Variants in SLC2A1 observed in about 807,000 individuals in gnomAD.
SLC2A1 encodes the protein solute carrier family 2 member 1, also known as solute carrier family 2, facilitated glucose transporter member 1.
A neutral mutation model predicts 46.6 loss-of-function variants in SLC2A1; 4 were observed. The observed-to-expected ratio is 0.09, with a 90% CI of 0.04 to 0.20. The LOEUF is 0.20. SLC2A1 is among the 10% of genes least tolerant of loss of function. The probability of loss-of-function intolerance (pLI) is 1.00; values close to 1 mark genes in which losing one functional copy is unlikely to be tolerated. For synonymous variants in SLC2A1, 253 were observed against 270.0 expected (o/e 0.94, Z 0.62); for missense variants, 352 against 667.0 (o/e 0.53, Z 5.20).
intron 2 of SLC2A1, among the ~76,000 whole-genome samples, chr1:42,931,572 T>A (rs2124451273): frequency 6.6e-6 from 1 of 152,008 alleles, no homozygotes; most frequent in South Asian, 2.1e-4. Flanking sequence ...ACGCCTGTAA[T>A]CCCAGCACTT....
In SLC2A1 at chr1:42,927,111, C is replaced by A; in HGVS notation, c.1409G>T (p.Gly470Val). The change falls in exon 10 of 10, where the codon GGG becomes GTG. Residue 470 changes from glycine to valine, a missense_variant. Gly to Val is a moderately radical substitution (Grantham distance 109, BLOSUM62 -3). Coordinates refer to ENST00000426263, the MANE Select transcript of SLC2A1 (RefSeq NM_006516.4). This position sits in a 1 kb window ranked among gnomAD's most constrained non-coding sequence, Gnocchi z 5.3. ...FDEIASGFRQ[G>V]GASQSDKTPE... is the part of the protein sequence containing the mutation. Reference sequence around the variant, plus strand: ...TGTCTTGTCACTTTGGCTGGCTCCCCCCTGCCGGAAGCCGGAAGCGATCTC... The same window carrying A: ...TGTCTTGTCACTTTGGCTGGCTCCCACCTGCCGGAAGCCGGAAGCGATCTC... 6.2e-7 allele frequency: 1 copy of A among 1,614,182 alleles called. No homozygotes were observed. The highest frequency in any genetic ancestry group is 8.5e-7 in the Non-Finnish European group (1 of 1,180,026).
At chr1:42,933,096 A>G (rs1379832693) in intron 2 of SLC2A1, among the ~76,000 whole-genome samples, 1 of 152,212 alleles carries the variant, frequency 6.6e-6, no homozygotes, top group East Asian at 1.9e-4. Flanking sequence ...AAGTGCAGAC[A>G]TTAGCAGGAG....
In SLC2A1 at chr1:42,930,183, T is replaced by C. The variant is rs1028806534; in HGVS notation, c.517-148A>G. The C allele has an allele frequency of 1.1e-5, 10 of 882,486 alleles. No individual in the cohort carries two copies. In the Admixed American group the frequency reaches 1.5e-4, roughly 13 times the overall value. 54.7% of individuals were successfully genotyped at this position (882,486 alleles called of 1,614,324 possible). On this transcript the variant is annotated intron_variant, in intron 4 of 9. Coordinates refer to ENST00000426263, the MANE Select transcript of SLC2A1 (RefSeq NM_006516.4). This position sits in a 1 kb window ranked among gnomAD's most constrained non-coding sequence, Gnocchi z 6.2. Reference sequence around the variant, plus strand: ...CTCTGCCACTAGCATGAGCCCTGTTTCTCAGTTTCCTCATCGGTCACATGG... The same window carrying C: ...CTCTGCCACTAGCATGAGCCCTGTTCCTCAGTTTCCTCATCGGTCACATGG...
At chr1:42,943,390 C>T (rs779779090) in intron 1 of SLC2A1, 69 bp from the exon 2 acceptor site, 18 of 1,145,920 alleles carry the variant, frequency 1.6e-5, no homozygotes, top group Non-Finnish European at 2.2e-5. Flanking sequence ...AGGGCCTGGA[C>T]TGGCAAGTTT....
chr1:42,929,395 A>C lies in SLC2A1; in HGVS notation c.868-81T>G. 8.2e-7 allele frequency: 1 copy of C among 1,224,054 alleles called. No individual in the cohort carries two copies. The highest frequency in any genetic ancestry group is 1.2e-6 in the Non-Finnish European group (1 of 844,122). The allele number at this position is 1,224,054 out of a possible 1,614,324, so 75.8% of individuals were successfully genotyped here. A position where few individuals can be genotyped will look rare whatever the true frequency, so the allele number is the denominator to read the frequency against. ...CTCTGTAGCAGTGGATGTGGGACCC[A>C]GGATGAGTAAAGAATGAAGGGGACA... is the stretch of plus-strand genomic sequence containing the variant. On this transcript the variant is annotated intron_variant, in intron 6 of 9. Transcript: ENST00000426263. The surrounding 1 kb of genome is among the most constrained non-coding windows in gnomAD (Gnocchi z 6.0).
intron 2 of SLC2A1, among the ~76,000 whole-genome samples, chr1:42,941,800 C>T (rs1643601242): frequency 2.0e-5 from 3 of 152,242 alleles, no homozygotes; most frequent in African/African-American, 7.2e-5. Flanking sequence ...CTGAAGCACA[C>T]ACTTTGGCAA....
rs187701356 is a variant in SLC2A1 at position 42,929,185 on chromosome 1, G to T, written c.972+25C>A. 405 of 1,602,048 alleles carry T rather than the reference G, an allele frequency of 2.5e-4. 1 individual carries two copies. In the African/African-American group the frequency reaches 3.4e-3, roughly 13 times the overall value. On this transcript the variant is annotated intron_variant, in intron 7 of 9. Transcript: ENST00000426263. This position sits in a 1 kb window ranked among gnomAD's most constrained non-coding sequence, Gnocchi z 6.0. ...CTGCCTCCTCCCTGGGGTTTGGCTG[G>T]GGGGGCCAGTAAGCAAAGACTCACC...
chr1:42,928,990 A>G lies in SLC2A1; in HGVS notation c.1016T>C (p.Ile339Thr), dbSNP rs141619735. 9.5e-5 allele frequency: 154 copies of G among 1,613,818 alleles called. No individual in the cohort carries two copies. In the Admixed American group the frequency reaches 2.4e-3, roughly 25 times the overall value. Residue 339 changes from isoleucine to threonine, a missense_variant, in exon 8 of 10, where the codon ATA becomes ACA. Coordinates refer to ENST00000426263, the MANE Select transcript of SLC2A1 (RefSeq NM_006516.4). ...ERAGRRTLHL[I>T]GLAGMAGCAI... is the part of the protein sequence containing the mutation. ...ACAACCCGCCATGCCAGCGAGGCCT[A>G]TGAGGTGCAGGGTCCGCCGGCCTGC... is the stretch of plus-strand genomic sequence containing the variant.
chr1:42,938,081 C>T (rs1472286309), intron 2 of SLC2A1, among the ~76,000 whole-genome samples: 2 of 152,198 alleles, frequency 1.3e-5, no homozygotes, highest in Non-Finnish European at 2.9e-5. Context: ...TGGGCCAGGA[C>T]TTCATGGTTT....
intron 1 of SLC2A1, among the ~76,000 whole-genome samples, chr1:42,958,310 C>A (rs1284783329): frequency 2.0e-5 from 3 of 151,226 alleles, no homozygotes; most frequent in African/African-American, 4.8e-5. Flanking sequence ...TGCGACGTGC[C>A]GCTCCCGGGC....
intron 1 of SLC2A1, among the ~76,000 whole-genome samples, chr1:42,946,948 A>G (rs1482449579): frequency 6.6e-6 from 1 of 152,248 alleles, no homozygotes; most frequent in Non-Finnish European, 1.5e-5. Context: ...TTCCTCACCT[A>G]GAAAACGGGG....
chr1:42,943,017 C>T, intron 2 of SLC2A1: 1 of 618,798 alleles, frequency 1.6e-6, no homozygotes, highest in Non-Finnish European at 2.9e-6. Context: ...TTCTGTGGGA[C>T]CTGAGATTCT....
intron 2 of SLC2A1, among the ~76,000 whole-genome samples, chr1:42,931,945 C>G (rs545033257): frequency 1.3e-5 from 2 of 152,188 alleles, no homozygotes; most frequent in East Asian, 1.9e-4. Flanking sequence ...GGCCCTCCCC[C>G]CAACCCCTTG....
At chr1:42,949,782 T>A (rs55740947) in intron 1 of SLC2A1, among the ~76,000 whole-genome samples, 10,315 of 152,180 alleles carry the variant, frequency 0.068, 713 homozygotes, top group African/African-American at 0.16. Flanking sequence ...TTTTCACAGA[T>A]GAGAAATGAG....
intron 1 of SLC2A1, among the ~76,000 whole-genome samples, chr1:42,956,289 TGTAATCCCAG>T (rs1643772760): frequency 9.0e-6 from 1 of 111,382 alleles, no homozygotes; most frequent in Non-Finnish European, 2.2e-5. Flanking sequence ...GGCTCACGCC[TGTAATCCCAG>T]GCCTGTAATC....
In SLC2A1 at chr1:42,929,499, C is replaced by G; in HGVS notation, c.867+94G>C. 7.7e-7 allele frequency: 1 copy of G among 1,303,204 alleles called. No homozygotes were observed. Among genetic ancestry groups the G allele is most frequent in the South Asian group, 1.2e-5 (1 of 82,778 alleles). 80.7% of individuals were successfully genotyped at this position (1,303,204 alleles called of 1,614,324 possible). A position where few individuals can be genotyped will look rare whatever the true frequency, so the allele number is the denominator to read the frequency against. On this transcript the variant is annotated intron_variant, in intron 6 of 9. Coordinates refer to ENST00000426263, the MANE Select transcript of SLC2A1 (RefSeq NM_006516.4). This position sits in a 1 kb window ranked among gnomAD's most constrained non-coding sequence, Gnocchi z 6.0. ...TAAAGGGAAACTTCTTCGGCAGAGG[C>G]GTATCTGTTGTTTCAAGTTTGGGAC...
chr1:42,956,275 T>C (rs912487366), intron 1 of SLC2A1, among the ~76,000 whole-genome samples: 1 of 151,920 alleles, frequency 6.6e-6, no homozygotes, highest in Non-Finnish European at 1.5e-5. Flanking sequence ...CAGCCGGGCG[T>C]GGTGGCTCAC....
rs148974606 is a variant in SLC2A1 at position 42,935,242 on chromosome 1, C to T, written c.115-4036G>A. Among the ~76,000 whole-genome samples, 496 of 152,306 alleles carry T rather than the reference C, an allele frequency of 3.3e-3. 2 individuals carry two copies. The highest frequency in any genetic ancestry group is 4.1e-3 in the Non-Finnish European group (277 of 68,022). ...AGACCACCCTGGAGAAGCAGGTTGACTCTGGGCAGCTGAGATCCTTTGAAC... is the reference window on the plus strand; with the variant it reads ...AGACCACCCTGGAGAAGCAGGTTGATTCTGGGCAGCTGAGATCCTTTGAAC... On this transcript the variant is annotated intron_variant, in intron 2 of 9. Transcript: ENST00000426263.
At position 42,927,131 on chromosome 1, in the gene SLC2A1, G is replaced by C; in HGVS notation, c.1389C>G (p.Ile463Met). 1 of 1,614,176 alleles carries C rather than the reference G, an allele frequency of 6.2e-7. No homozygotes were observed. Among genetic ancestry groups the C allele is most frequent in the Non-Finnish European group, 8.5e-7 (1 of 1,180,028 alleles). The change falls in exon 10 of 10, where the codon ATC becomes ATG. Residue 463 changes from isoleucine to methionine, a missense_variant. By Grantham distance (10) the Ile-to-Met change is conservative. This residue lies in a region of SLC2A1 where 41 missense variants were observed against 49.1 expected (regional missense o/e 0.83). Transcript: ENST00000426263. This position sits in a 1 kb window ranked among gnomAD's most constrained non-coding sequence, Gnocchi z 5.3. ...CTCCCCCCTGCCGGAAGCCGGAAGC[G>C]ATCTCATCGAAGGTCCGGCCTTTAG... ...PETKGRTFDE[I>M]ASGFRQGGAS... is the part of the protein sequence containing the mutation.
Sources: allele counts gnomAD v4.1 joint callset (sites outside exome capture counted in the v4.1 genomes callset), GRCh38; gene constraint gnomAD v4.1.1; regional missense constraint gnomAD v4.1.1; non-coding constraint Gnocchi (gnomAD v3.1); transcripts MANE v1.5; gene names NCBI Gene and HGNC (gene_info 2026-07-23, HGNC 2026-07-21).